Variants in PRKAG2 observed in about 807,000 individuals in gnomAD.
The protein encoded by PRKAG2 is 5'-AMP-activated protein kinase subunit gamma-2.
In PRKAG2, 26 loss-of-function variants were observed where a neutral mutation model predicts 69.6. That is an observed-to-expected ratio of 0.37 (90% CI 0.27 to 0.52). The LOEUF is 0.52. Ranked by LOEUF, PRKAG2 falls within the 20% of genes least tolerant of loss-of-function variation. The pLI is 0.90. For synonymous variants in PRKAG2, 293 were observed against 285.0 expected (o/e 1.03, Z -0.28); for missense variants, 557 against 740.0 (o/e 0.75, Z 2.87).
chr7:151,705,580 GAA>G (rs1563480731), intron 3 of PRKAG2, among the ~76,000 whole-genome samples: 1 of 152,186 alleles, frequency 6.6e-6, no homozygotes, highest in African/African-American at 2.4e-5. Flanking sequence ...TTTTCAGAGA[GAA>G]AGAGACGTGA....
chr7:151,685,887 A>G (rs1834648394), intron 3 of PRKAG2, among the ~76,000 whole-genome samples: 1 of 152,190 alleles, frequency 6.6e-6, no homozygotes, highest in South Asian at 2.1e-4. Context: ...TATTTTTTAA[A>G]ACAAAACAAA....
At chr7:151,557,765 G>A (rs1804067601) in intron 15 of PRKAG2, 1 of 525,706 alleles carries the variant, frequency 1.9e-6, no homozygotes, top group African/African-American at 2.0e-5. Context: ...AGCTACTTGG[G>A]AGACTGAGGC....
At chr7:151,849,762 C>T (rs1044759450) in intron 1 of PRKAG2, among the ~76,000 whole-genome samples, 3 of 152,164 alleles carry the variant, frequency 2.0e-5, no homozygotes, top group African/African-American at 7.2e-5. Flanking sequence ...CCTGTGTCTT[C>T]CATCTTCTTG....
At chr7:151,734,888 T>C (rs1332014777) in intron 3 of PRKAG2, among the ~76,000 whole-genome samples, 1 of 140,912 alleles carries the variant, frequency 7.1e-6, no homozygotes, top group African/African-American at 2.7e-5. Flanking sequence ...AGAGTCTTGC[T>C]CTGTCGCCCA....
At chr7:151,597,946 TCC>T (rs1211377387) in intron 5 of PRKAG2, among the ~76,000 whole-genome samples, 1 of 150,874 alleles carries the variant, frequency 6.6e-6, no homozygotes, top group Non-Finnish European at 1.5e-5. Flanking sequence ...GATCCAGCAA[TCC>T]CACTACCGGG....
rs1829697446 is a variant in PRKAG2, at chr7:151,657,945, G to A, written c.684+17475C>T. Among the ~76,000 whole-genome samples the A allele has an allele frequency of 1.3e-5, 2 of 151,522 alleles. 1 individual carries two copies. The highest frequency in any genetic ancestry group is 4.2e-4 in the South Asian group (2 of 4,798). On this transcript the variant is annotated intron_variant, in intron 4 of 15. Transcript: ENST00000287878. ...GGCCAAGGCGGGTGGATCACTTGAG[G>A]TCAGGAGTTTGAGACCAGCCTGGCT...
rs75902849 is a variant in PRKAG2, at chr7:151,790,918, G to A, written c.115-4377C>T. On this transcript the variant is annotated intron_variant, in intron 1 of 15. Transcript: ENST00000287878. ...TAAAAGAGCTGAGGGCCGGATGTGA[G>A]GCCTGCTGCTAGCTCAGGCTGCCCG... is the stretch of plus-strand genomic sequence containing the variant. 6.0e-3 allele frequency among the ~76,000 whole-genome samples: 908 copies of A among 152,368 alleles called. 18 individuals are homozygous for A. The East Asian group carries it at 0.079, about 13-fold the overall frequency.
chr7:151,820,435 C>T (rs982882272), intron 1 of PRKAG2, among the ~76,000 whole-genome samples: 7 of 129,712 alleles, frequency 5.4e-5, no homozygotes, highest in East Asian at 4.3e-4. Flanking sequence ...CTACTCGGAA[C>T]ACCGCTCCGT....
intron 5 of PRKAG2, among the ~76,000 whole-genome samples, chr7:151,625,490 G>C (rs1187130405): frequency 6.6e-6 from 1 of 152,218 alleles, no homozygotes; most frequent in Non-Finnish European, 1.5e-5. Flanking sequence ...CTTTAGAAAT[G>C]AAAGCGATGG....
chr7:151,631,469 A>G (rs190226040), intron 5 of PRKAG2, among the ~76,000 whole-genome samples: 2 of 152,180 alleles, frequency 1.3e-5, no homozygotes, highest in Non-Finnish European at 2.9e-5. Flanking sequence ...CAAGTTATTT[A>G]CCTGTAAGAT....
At position 151,567,359 on chromosome 7, in the gene PRKAG2, C is replaced by T. The variant is rs1806496121; in HGVS notation, c.1233+1357G>A. Among the ~76,000 whole-genome samples the T allele has an allele frequency of 6.6e-6, 1 of 152,158 alleles. No homozygotes were observed. The highest frequency in any genetic ancestry group is 2.1e-4 in the South Asian group (1 of 4,816). ...CTATAAAATAGGATTAATAAAAATA[C>T]CTACCTGATAGGGTAGCAGCGAGGA... On this transcript the variant is annotated intron_variant, in intron 11 of 15. Coordinates refer to ENST00000287878, the MANE Select transcript of PRKAG2 (RefSeq NM_016203.4). This position sits in a 1 kb window ranked among gnomAD's most constrained non-coding sequence, Gnocchi z 4.2.
Position 151,756,422 on chromosome 7 carries a change from G to C in PRKAG2, c.466+24730C>G, listed in dbSNP as rs2075090132. On this transcript the variant is annotated intron_variant, in intron 3 of 15. Coordinates refer to ENST00000287878, the MANE Select transcript of PRKAG2 (RefSeq NM_016203.4). This position sits in a 1 kb window ranked among gnomAD's most constrained non-coding sequence, Gnocchi z 4.9. ...GGGTGCATCTCGGGCACCCCGCTCA[G>C]CACATGGCTCAGGCACACGCAACGA... Among the ~76,000 whole-genome samples, 1 of 152,246 alleles carries C rather than the reference G, an allele frequency of 6.6e-6. No homozygotes were observed. The highest frequency in any genetic ancestry group is 1.5e-5 in the Non-Finnish European group (1 of 68,042).
At chr7:151,790,991 G>C (rs560524227) in intron 1 of PRKAG2, among the ~76,000 whole-genome samples, 1 of 152,252 alleles carries the variant, frequency 6.6e-6, no homozygotes, top group Admixed American at 6.5e-5. Context: ...TCCCACGCAG[G>C]TGTCTCGGGC....
At chr7:151,715,645 C>T (rs748870927) in intron 3 of PRKAG2, among the ~76,000 whole-genome samples, 3 of 152,138 alleles carry the variant, frequency 2.0e-5, no homozygotes, top group Non-Finnish European at 4.4e-5. Context: ...CGTGAGCCAC[C>T]GTGCCTGGCC....
intron 4 of PRKAG2, among the ~76,000 whole-genome samples, chr7:151,642,037 A>C (rs1213600024): frequency 6.7e-6 from 1 of 149,846 alleles, no homozygotes; most frequent in Non-Finnish European, 1.5e-5. Context: ...TTAAAAAAAA[A>C]AAAAAAAAAA....
intron 5 of PRKAG2, among the ~76,000 whole-genome samples, chr7:151,603,709 G>A (rs73730211): frequency 6.6e-6 from 1 of 151,926 alleles, no homozygotes; most frequent in Non-Finnish European, 1.5e-5. Flanking sequence ...TAAAATCAAC[G>A]TGACTCATCA....
At chr7:151,862,315 A>C (rs1180192879) in intron 1 of PRKAG2, among the ~76,000 whole-genome samples, 1 of 152,150 alleles carries the variant, frequency 6.6e-6, no homozygotes, top group Non-Finnish European at 1.5e-5. Flanking sequence ...TGGCCAGTAG[A>C]TTGGATGGAA....
At chr7:151,774,679 C>T (rs1158901996) in intron 3 of PRKAG2, among the ~76,000 whole-genome samples, 7 of 152,004 alleles carry the variant, frequency 4.6e-5, no homozygotes, top group East Asian at 1.9e-4. Context: ...TGGTGGCGGG[C>T]GCCTGTAATC....
chr7:151,611,938 G>A (rs1042669543), intron 5 of PRKAG2, among the ~76,000 whole-genome samples: 7 of 152,066 alleles, frequency 4.6e-5, no homozygotes, highest in Admixed American at 1.3e-4. Context: ...CCAGCTACTC[G>A]AGAGACTGAG....
Sources: gnomAD v4.1 joint callset for allele counts (sites outside exome capture counted in the v4.1 genomes callset) on GRCh38, gnomAD v4.1.1 for gene constraint, Gnocchi (gnomAD v3.1) non-coding constraint, MANE v1.5 for transcripts, NCBI Gene and HGNC (gene_info 2026-07-23, HGNC 2026-07-21) for gene names.